PDE4D: variants seen among roughly 807,000 people sequenced by gnomAD.
The protein encoded by PDE4D is 3',5'-cyclic-AMP phosphodiesterase 4D.
A neutral mutation model predicts 87.4 loss-of-function variants in PDE4D; 24 were observed. The observed-to-expected ratio is 0.27, with a 90% confidence interval of 0.20 to 0.39. The LOEUF (loss-of-function observed/expected upper bound fraction) is 0.39, where lower values mean the gene tolerates loss of function less well. PDE4D is among the 10% of genes least tolerant of loss of function. The pLI, the probability that PDE4D is intolerant of heterozygous loss-of-function variation, is 1.00. For synonymous variants in PDE4D, 384 were observed against 383.2 expected (o/e 1.00, Z -0.02); for missense variants, 714 against 1,041.0 (o/e 0.69, Z 4.32).
chr5:59,515,930 T>C (rs1285010963), intron 1 of PDE4D, among the ~76,000 whole-genome samples: 3 of 152,144 alleles, frequency 2.0e-5, no homozygotes, highest in Admixed American at 6.5e-5. Flanking sequence ...GTTAGCCATA[T>C]GGGAAACATA....
At chr5:60,185,408 A>T in intron 2 of PDE4D, 1 of 488,882 alleles carries the variant, frequency 2.0e-6, no homozygotes, top group Non-Finnish European at 3.7e-6. Context: ...TTTGTTTGTT[A>T]ATAAGCTGTG....
chr5:59,599,134 T>C (rs1827124604), intron 1 of PDE4D, among the ~76,000 whole-genome samples: 1 of 152,134 alleles, frequency 6.6e-6, no homozygotes. Flanking sequence ...TATGGTATTG[T>C]CAAGGTAGTT....
chr5:59,056,452 CT>C (rs1391935316), intron 5 of PDE4D, among the ~76,000 whole-genome samples: 1 of 151,706 alleles, frequency 6.6e-6, no homozygotes, highest in Non-Finnish European at 1.5e-5. Context: ...TTTTTTTTTA[CT>C]TTAAGTTCTG....
intron 1 of PDE4D, among the ~76,000 whole-genome samples, chr5:59,539,378 C>T (rs1815882175): frequency 6.6e-6 from 1 of 152,056 alleles, no homozygotes; most frequent in Admixed American, 6.6e-5. Context: ...TTTCACCCAC[C>T]CTACCCCCCA....
intron 2 of PDE4D, among the ~76,000 whole-genome samples, chr5:59,199,065 T>G (rs902434735): frequency 2.0e-5 from 3 of 152,168 alleles, no homozygotes; most frequent in Non-Finnish European, 4.4e-5. Flanking sequence ...GAAAAGGAGA[T>G]ACAGTTAATT....
At chr5:59,847,642 A>G (rs1744058689) in intron 1 of PDE4D, among the ~76,000 whole-genome samples, 1 of 152,120 alleles carries the variant, frequency 6.6e-6, no homozygotes, top group Non-Finnish European at 1.5e-5. Context: ...TCTTCTGAAC[A>G]TGTTCTTTGT....
intron 5 of PDE4D, among the ~76,000 whole-genome samples, chr5:59,127,368 T>G (rs998298073): frequency 2.0e-5 from 3 of 152,162 alleles, no homozygotes; most frequent in Non-Finnish European, 4.4e-5. Flanking sequence ...GGTGGCACAG[T>G]TTGTTTTATG....
chr5:60,039,637 A>C (rs1768236292), intron 2 of PDE4D, among the ~76,000 whole-genome samples: 1 of 152,090 alleles, frequency 6.6e-6, no homozygotes, highest in Non-Finnish European at 1.5e-5. Context: ...TATATATGAC[A>C]AGGTTCTTAG....
intron 1 of PDE4D, among the ~76,000 whole-genome samples, chr5:60,197,118 T>TAGATAGATAGATAGAC (rs1216969315): frequency 3.7e-4 from 56 of 150,256 alleles, no homozygotes; most frequent in African/African-American, 1.4e-3. Context: ...GATAGATAGA[T>TAGATAGATAGATAGAC]AGATAGATTA....
chr5:59,695,956 A>G (rs1751719737), intron 1 of PDE4D, among the ~76,000 whole-genome samples: 1 of 152,216 alleles, frequency 6.6e-6, no homozygotes, highest in Non-Finnish European at 1.5e-5. Context: ...TCTGGCTCAA[A>G]GTCATTCAAC....
At chr5:59,262,593 T>A (rs1470577421) in intron 1 of PDE4D, among the ~76,000 whole-genome samples, 1 of 151,846 alleles carries the variant, frequency 6.6e-6, no homozygotes, top group Non-Finnish European at 1.5e-5. Flanking sequence ...CGGGGGTCAA[T>A]CCCTGTGTTA....
At chr5:60,102,860 A>C (rs1161931794) in intron 2 of PDE4D, among the ~76,000 whole-genome samples, 1 of 152,142 alleles carries the variant, frequency 6.6e-6, no homozygotes, top group Non-Finnish European at 1.5e-5. Context: ...CATTGTAAAC[A>C]GTCAACTGAA....
At chr5:60,041,433 A>C (rs1042891911) in intron 2 of PDE4D, among the ~76,000 whole-genome samples, 1 of 152,178 alleles carries the variant, frequency 6.6e-6, no homozygotes, top group African/African-American at 2.4e-5. Context: ...CTGGCAGGAT[A>C]GTGTTTGAAA....
chr5:59,289,150 C>T (rs1767532721), intron 1 of PDE4D, among the ~76,000 whole-genome samples: 1 of 151,808 alleles, frequency 6.6e-6, no homozygotes, highest in Admixed American at 6.6e-5. Flanking sequence ...TTTTGAAATA[C>T]AGACAATACA....
chr5:60,466,258 T>C (rs909928421), intron 1 of PDE4D, among the ~76,000 whole-genome samples: 1 of 152,202 alleles, frequency 6.6e-6, no homozygotes, highest in African/African-American at 2.4e-5. Flanking sequence ...AAACAGCCAC[T>C]AATTCCACAA....
intron 1 of PDE4D, chr5:59,592,228 A>T: frequency 6.7e-6 from 5 of 743,392 alleles, no homozygotes; most frequent in Non-Finnish European, 8.2e-6. Flanking sequence ...ATGTTAACTA[A>T]TAACGATGTT....
intron 1 of PDE4D, among the ~76,000 whole-genome samples, chr5:59,658,980 G>GCAA (rs1276805316): frequency 6.6e-6 from 1 of 152,096 alleles, no homozygotes; most frequent in Non-Finnish European, 1.5e-5. Flanking sequence ...TCCAGTCTGG[G>GCAA]CAACAGAGTG....
intron 1 of PDE4D, among the ~76,000 whole-genome samples, chr5:59,885,449 A>C (rs1266567908): frequency 6.6e-6 from 1 of 152,088 alleles, no homozygotes; most frequent in Non-Finnish European, 1.5e-5. Flanking sequence ...AGCCACCCCA[A>C]CGATAATCTT....
In PDE4D at chr5:59,215,927, A is replaced by G. The variant is rs1303629213; in HGVS notation, c.497T>C (p.Leu166Ser). 5 of 1,613,280 alleles carry G rather than the reference A, an allele frequency of 3.1e-6. No individual in the cohort carries two copies. Among genetic ancestry groups the G allele is most frequent in the Non-Finnish European group, 4.2e-6 (5 of 1,179,520 alleles). ...DNGTSAGRSP[L>S]DPMTSPGSGL... ...GGATCCTGGGCTGGTCATGGGATCCAAGGGACTCCGTCCCGCAGATGTGCC... is the reference window on the plus strand; with the variant it reads ...GGATCCTGGGCTGGTCATGGGATCCGAGGGACTCCGTCCCGCAGATGTGCC... The change falls in exon 2 of 15, where the codon TTG becomes TCG. Residue 166 changes from leucine to serine, a missense_variant. Leu to Ser is a moderately radical substitution (Grantham distance 145). This residue lies in a region of PDE4D where 268 missense variants were observed against 272.9 expected (regional missense o/e 0.98). Transcript: ENST00000340635.
Sources: allele counts gnomAD v4.1 joint callset (sites outside exome capture counted in the v4.1 genomes callset), GRCh38; gene constraint gnomAD v4.1.1; regional missense constraint gnomAD v4.1.1; transcripts MANE v1.5; gene names NCBI Gene and HGNC (gene_info 2026-07-23, HGNC 2026-07-21).